Variants in PLXNC1 observed in about 807,000 individuals in gnomAD.
PLXNC1 encodes plexin-C1.
A neutral mutation model predicts 178.2 loss-of-function variants in PLXNC1; 75 were observed. The ratio of observed to expected loss-of-function variants is 0.42; its 90% CI spans 0.35 to 0.51. PLXNC1 has a LOEUF of 0.51. Ranked by LOEUF, PLXNC1 falls within the 20% of genes least tolerant of loss-of-function variation. The probability of loss-of-function intolerance (pLI) is 0.02; values close to 1 mark genes in which losing one functional copy is unlikely to be tolerated. For synonymous variants in PLXNC1, 790 were observed against 779.9 expected (o/e 1.01, Z -0.22); for missense variants, 1,503 against 1,984.4 (o/e 0.76, Z 4.61).
In PLXNC1 at chr12:94,279,489, T is replaced by C; in HGVS notation, c.3615T>C (p.Phe1205=). ...EFSTVALNVV[F]EKIPENESAD... ...TCTTGCAGGCATTAAACGTCGTCTT[T>C]GAAAAAATCCCGGAAAACGAGAGTG... is the stretch of plus-strand genomic sequence containing the variant. The change falls in exon 22 of 31, where the codon TTT becomes TTC. Residue 1205 remains phenylalanine, a synonymous_variant. Transcript: ENST00000258526. The C allele has an allele frequency of 6.2e-7, 1 of 1,613,386 alleles. No individual in the cohort carries two copies. The highest frequency in any genetic ancestry group is 8.5e-7 in the Non-Finnish European group (1 of 1,179,514).
At chr12:94,183,065 A>G (rs922663115) in intron 3 of PLXNC1, among the ~76,000 whole-genome samples, 1 of 152,236 alleles carries the variant, frequency 6.6e-6, no homozygotes, top group African/African-American at 2.4e-5. Flanking sequence ...GAACATGGAA[A>G]GTGCAAAGAA....
chr12:94,181,980 C>T (rs1293437479), intron 3 of PLXNC1, among the ~76,000 whole-genome samples: 1 of 152,108 alleles, frequency 6.6e-6, no homozygotes, highest in Non-Finnish European at 1.5e-5. Flanking sequence ...CAGTCTCATA[C>T]ACATTCATGA....
Position 94,304,989 on chromosome 12 carries a change from T to C in PLXNC1, c.4603-192T>C, listed in dbSNP as rs141519695. The stretch of plus-strand genomic sequence containing the variant: ...TGGTATTTCTTGCGAGCTTCTATTT[T>C]AAGCCAAGGTATTGTTGATCCTGTG... On this transcript the variant is annotated intron_variant, in intron 30 of 30. Coordinates refer to ENST00000258526, the MANE Select transcript of PLXNC1 (RefSeq NM_005761.3). Among the ~76,000 whole-genome samples, 682 of 152,354 alleles carry C rather than the reference T, an allele frequency of 4.5e-3. 17 individuals carry two copies. The highest frequency in any genetic ancestry group is 1.5e-3 in the Non-Finnish European group (100 of 68,030).
At chr12:94,200,551 A>C (rs1963082588) in intron 4 of PLXNC1, among the ~76,000 whole-genome samples, 1 of 152,154 alleles carries the variant, frequency 6.6e-6, no homozygotes. Flanking sequence ...TTTTAATATC[A>C]TTGCCACCTG....
At chr12:94,276,617 T>G (rs1965980631) in intron 21 of PLXNC1, among the ~76,000 whole-genome samples, 1 of 152,204 alleles carries the variant, frequency 6.6e-6, no homozygotes, top group Non-Finnish European at 1.5e-5. Context: ...ACTCAGCCCC[T>G]CTGTGCCTCA....
At chr12:94,254,407 T>C (rs1964784191) in intron 15 of PLXNC1, 1 of 411,828 alleles carries the variant, frequency 2.4e-6, no homozygotes, top group African/African-American at 2.1e-5. Context: ...CTTACAAACA[T>C]TCAAAAACAA....
At chr12:94,215,550 C>CGTAGATG in intron 5 of PLXNC1, among the ~76,000 whole-genome samples, 1 of 113,042 alleles carries the variant, frequency 8.8e-6, no homozygotes, top group Admixed American at 9.9e-5. Flanking sequence ...AGATTGCAAA[C>CGTAGATG]ATAGATGATA....
At chr12:94,183,331 C>T (rs1200185014) in intron 3 of PLXNC1, among the ~76,000 whole-genome samples, 1 of 152,224 alleles carries the variant, frequency 6.6e-6, no homozygotes, top group Non-Finnish European at 1.5e-5. Flanking sequence ...CATCTTCCCA[C>T]AGAGCTTGTA....
At chr12:94,182,132 G>A (rs901737748) in intron 3 of PLXNC1, among the ~76,000 whole-genome samples, 2 of 152,098 alleles carry the variant, frequency 1.3e-5, no homozygotes, top group Non-Finnish European at 2.9e-5. Context: ...CCAAGGGAAG[G>A]GGAAAAGAAA....
intron 1 of PLXNC1, among the ~76,000 whole-genome samples, chr12:94,161,467 T>C (rs1165873015): frequency 6.6e-6 from 1 of 152,228 alleles, no homozygotes; most frequent in African/African-American, 2.4e-5. Flanking sequence ...TTTTTTACTC[T>C]AAATCACTTG....
intron 23 of PLXNC1, among the ~76,000 whole-genome samples, chr12:94,283,487 C>T (rs1388791656): frequency 6.6e-6 from 1 of 152,208 alleles, no homozygotes; most frequent in Admixed American, 6.5e-5. Flanking sequence ...TCACCTTCCC[C>T]ATTGCCTAGA....
chr12:94,263,735 C>T (rs1965070953), intron 20 of PLXNC1, among the ~76,000 whole-genome samples: 1 of 152,124 alleles, frequency 6.6e-6, no homozygotes, highest in Admixed American at 6.5e-5. Context: ...GCCCTCCCTA[C>T]CTTGGAAATT....
At chr12:94,254,754 A>T in intron 15 of PLXNC1, 33 bp from the exon 16 acceptor site, 1 of 1,498,162 alleles carries the variant, frequency 6.7e-7, no homozygotes, top group South Asian at 1.3e-5. Flanking sequence ...TTGAGTTACC[A>T]TGTCCCTCTG....
At chr12:94,226,812 T>G (rs1592785627) in intron 8 of PLXNC1, 105 bp downstream of exon 8, 1 of 815,310 alleles carries the variant, frequency 1.2e-6, no homozygotes, top group South Asian at 1.4e-5. Flanking sequence ...TCAATTGAGG[T>G]CAGGAGTTCG....
At chr12:94,259,974 A>G (rs1049287733) in intron 19 of PLXNC1, among the ~76,000 whole-genome samples, 3 of 152,000 alleles carry the variant, frequency 2.0e-5, no homozygotes, top group African/African-American at 2.4e-5. Context: ...TGAACTTGGT[A>G]TCTTGAGAAC....
chr12:94,183,830 A>G (rs1218040210), intron 3 of PLXNC1, among the ~76,000 whole-genome samples: 2 of 152,190 alleles, frequency 1.3e-5, no homozygotes, highest in Non-Finnish European at 2.9e-5. Flanking sequence ...TTGACTGGGC[A>G]TCAAAGCTGG....
intron 1 of PLXNC1, among the ~76,000 whole-genome samples, chr12:94,164,661 GCACACACACA>G (rs3060912): frequency 0.31 from 46,442 of 148,428 alleles, 7,305 homozygotes; most frequent in Middle Eastern, 0.41. Context: ...ATGACTCCCT[GCACACACACA>G]CACACACACA....
At chr12:94,272,789 C>A (rs1312388626) in intron 21 of PLXNC1, among the ~76,000 whole-genome samples, 4 of 152,210 alleles carry the variant, frequency 2.6e-5, no homozygotes, top group African/African-American at 9.6e-5. Flanking sequence ...TAAAAATGTC[C>A]TTGGGTGGCA....
At chr12:94,246,266 C>G (rs896313196) in intron 12 of PLXNC1, among the ~76,000 whole-genome samples, 6 of 152,232 alleles carry the variant, frequency 3.9e-5, no homozygotes, top group Admixed American at 3.3e-4. Context: ...AGTGAGGATG[C>G]TCATGCCAGT....
Sources: gnomAD v4.1 joint callset for allele counts (sites outside exome capture counted in the v4.1 genomes callset) on GRCh38, gnomAD v4.1.1 for gene constraint, MANE v1.5 for transcripts, NCBI Gene and HGNC (gene_info 2026-07-23, HGNC 2026-07-21) for gene names.